IAH1: variants seen among roughly 807,000 people sequenced by gnomAD.
IAH1 encodes isoamyl acetate-hydrolyzing esterase 1 homolog.
IAH1 carries 24 observed loss-of-function variants against 26.7 expected under a neutral mutation model. The observed-to-expected ratio is 0.90, with a 90% CI of 0.65 to 1.26. IAH1 has a LOEUF of 1.26. Among genes scored for constraint, IAH1 ranks in the 50% most tolerant of loss-of-function variants. IAH1 has a pLI of 0.00. For synonymous variants in IAH1, 140 were observed against 118.5 expected (o/e 1.18, Z -1.18); for missense variants, 300 against 299.9 (o/e 1.00, Z 0.00).
intron 5 of IAH1, chr2:9,485,320 C>T (rs6432011): frequency 0.58 from 88,381 of 152,130 alleles, 27,000 homozygotes; most frequent in African/African-American, 0.7. Flanking sequence ...TCTCTGAAGG[C>T]TACTTACTAC....
intron 1 of IAH1, chr2:9,475,744 G>C: frequency 3.6e-6 from 2 of 554,600 alleles, no homozygotes; most frequent in South Asian, 4.3e-5. Flanking sequence ...CATGTGATCC[G>C]CCCGCCTTGG....
intron 2 of IAH1, among the ~76,000 whole-genome samples, chr2:9,477,873 T>C (rs1378864778): frequency 2.0e-5 from 3 of 152,172 alleles, no homozygotes; most frequent in Non-Finnish European, 2.9e-5. Flanking sequence ...ATTAGTGACT[T>C]TTTACCTGAG....
downstream of IAH1, among the ~76,000 whole-genome samples, chr2:9,501,297 AATAGG>A (rs761717181): frequency 7.9e-5 from 12 of 152,316 alleles, no homozygotes; most frequent in Non-Finnish European, 1.5e-4. Flanking sequence ...TCATCATGCT[AATAGG>A]ACAGCAGGGT....
chr2:9,499,209 T>A (rs1662844083), downstream of IAH1, among the ~76,000 whole-genome samples: 1 of 151,976 alleles, frequency 6.6e-6, no homozygotes, highest in African/African-American at 2.4e-5. Flanking sequence ...TATCTACTAT[T>A]TTGTATAAAA....
downstream of IAH1, among the ~76,000 whole-genome samples, chr2:9,491,629 T>C (rs753950695): frequency 2.0e-5 from 3 of 152,216 alleles, no homozygotes; most frequent in Non-Finnish European, 2.9e-5. Flanking sequence ...TGGACCATGC[T>C]CTGCTGGAGG....
At chr2:9,477,332 G>C (rs1294187973) in intron 2 of IAH1, among the ~76,000 whole-genome samples, 2 of 152,042 alleles carry the variant, frequency 1.3e-5, no homozygotes, top group Non-Finnish European at 2.9e-5. Context: ...GAACCATATT[G>C]ATTTACTAAT....
intron 1 of IAH1, chr2:9,475,150 A>G (rs966352377): frequency 3.9e-6 from 5 of 1,284,146 alleles, no homozygotes; most frequent in Non-Finnish European, 5.1e-6. Context: ...GGAATTAGGT[A>G]GAAAAGGACC....
intron 6 of IAH1, chr2:9,494,971 G>A: frequency 4.4e-6 from 2 of 457,062 alleles, no homozygotes; most frequent in African/African-American, 2.0e-5. Context: ...GAGGCCACAA[G>A]GTTTAAAAAA....
the IAH1 span, among the ~76,000 whole-genome samples, chr2:9,509,417 A>G: frequency 6.6e-6 from 1 of 152,208 alleles, no homozygotes; most frequent in African/African-American, 2.4e-5. Flanking sequence ...AACCCCCAAT[A>G]GTAAATGATT....
chr2:9,479,681 C>T (rs1205707730), intron 3 of IAH1, among the ~76,000 whole-genome samples: 3 of 151,974 alleles, frequency 2.0e-5, no homozygotes, highest in Non-Finnish European at 2.9e-5. Context: ...GCTTGTGATC[C>T]TCTGGAAAGC....
chr2:9,484,323 GT>G, intron 4 of IAH1, 108 bp from the exon 5 acceptor site: 1 of 874,034 alleles, frequency 1.1e-6, no homozygotes, highest in Non-Finnish European at 1.9e-6. Context: ...CCCAAGTGGG[GT>G]CAATATTTAA....
intron 3 of IAH1, among the ~76,000 whole-genome samples, chr2:9,479,877 C>T (rs967831502): frequency 8.1e-5 from 11 of 135,884 alleles, no homozygotes; most frequent in Admixed American, 2.6e-4. Context: ...GATACGGTCT[C>T]GGCTCACTGT....
intron 2 of IAH1, 73 bp from the exon 3 acceptor site, chr2:9,478,149 C>CA (rs1660935602): frequency 7.3e-7 from 1 of 1,374,888 alleles, no homozygotes; most frequent in Admixed American, 2.4e-5. Flanking sequence ...AGCACACCCT[C>CA]ACTAAAGGCC....
At chr2:9,474,515 C>T (rs1553350166), upstream of IAH1, 3 of 1,217,520 alleles carry the variant, frequency 2.5e-6, no homozygotes, top group Non-Finnish European at 3.3e-6. This position sits in a 1 kb window ranked among gnomAD's most constrained non-coding sequence, Gnocchi z 4.3. Context: ...GCGGCCACTG[C>T]GCAGGCGCCT....
the IAH1 span, among the ~76,000 whole-genome samples, chr2:9,508,696 T>A: frequency 6.6e-6 from 1 of 152,164 alleles, no homozygotes; most frequent in South Asian, 2.1e-4. Context: ...ACTGGGCTAG[T>A]GGCTACTATA....
chr2:9,481,172 A>G lies in IAH1; in HGVS notation c.284-114A>G, dbSNP rs183787625. 68 of 1,144,482 alleles carry G rather than the reference A, an allele frequency of 5.9e-5. No individual in the cohort carries two copies. In the African/African-American group the frequency reaches 9.8e-4, roughly 17 times the overall value. 70.9% of individuals were successfully genotyped at this position (1,144,482 alleles called of 1,614,324 possible). On this transcript the variant is annotated intron_variant, in intron 3 of 5. Transcript: ENST00000497473. ...ACCTTCTCTTTGTGTCCTTGGTGTT[A>G]AACAATCCCCCCAGTGACATCATGA...
chr2:9,484,783 A>T (rs930366594), intron 5 of IAH1: 19 of 479,756 alleles, frequency 4.0e-5, no homozygotes, highest in Non-Finnish European at 6.0e-5. Context: ...GCGCAGTGAC[A>T]TCAATGAGCA....
At position 9,474,905 on chromosome 2, in the gene IAH1, C is replaced by T. The variant is rs958927542; in HGVS notation, c.81+258C>T. ...GACGCGAGGGGACCCGGCCGCGCTG[C>T]CCGCCCCGCGCCGCCTCCCACCCGG... On this transcript the variant is annotated intron_variant, in intron 1 of 5. Coordinates refer to ENST00000497473, the MANE Select transcript of IAH1 (RefSeq NM_001039613.3). This position sits in a 1 kb window ranked among gnomAD's most constrained non-coding sequence, Gnocchi z 4.3. 8 of 654,656 alleles carry T rather than the reference C, an allele frequency of 1.2e-5. No homozygotes were observed. The highest frequency in any genetic ancestry group is 5.9e-5 in the East Asian group (1 of 17,042). The allele number at this position is 654,656 out of a possible 1,614,324, so 40.6% of individuals were successfully genotyped here. A position where few individuals can be genotyped will look rare whatever the true frequency, so the allele number is the denominator to read the frequency against.
downstream of IAH1, chr2:9,494,592 C>T (rs1558493978): frequency 4.4e-6 from 7 of 1,603,618 alleles, no homozygotes; most frequent in Non-Finnish European, 5.1e-6. Context: ...AAAATAAAAA[C>T]TTCCTATCTG....
Sources: gnomAD v4.1 joint callset for allele counts (sites outside exome capture counted in the v4.1 genomes callset) on GRCh38, gnomAD v4.1.1 for gene constraint, Gnocchi (gnomAD v3.1) non-coding constraint, MANE v1.5 for transcripts, NCBI Gene and HGNC (gene_info 2026-07-23, HGNC 2026-07-21) for gene names.